PCDHA3: variants seen among roughly 807,000 people sequenced by gnomAD.
PCDHA3 encodes the protein protocadherin alpha 3, also known as protocadherin alpha-3.
A neutral mutation model predicts 62.2 loss-of-function variants in PCDHA3; 41 were observed. The ratio of observed to expected loss-of-function variants is 0.66; its 90% CI spans 0.51 to 0.86. The LOEUF (loss-of-function observed/expected upper bound fraction) is 0.86, where lower values mean the gene tolerates loss of function less well. Among genes scored for constraint, PCDHA3 ranks in the 40% least tolerant of loss-of-function variants. The pLI is 0.00. For missense variants in PCDHA3, 1,304 were observed against 1,241.2 expected, an observed-to-expected ratio of 1.05 and a Z score of -0.76; for synonymous variants, 640 against 555.4, an observed-to-expected ratio of 1.15 and a Z score of -2.14.
At chr5:140,807,588 C>G (rs146575746) in intron 1 of PCDHA3, 1 of 1,614,134 alleles carries the variant, frequency 6.2e-7, no homozygotes, top group Admixed American at 1.7e-5. Flanking sequence ...CCGGTGTTCC[C>G]AGCAACACAA....
At chr5:140,807,563 A>C (rs200997832) in intron 1 of PCDHA3, 44 of 1,614,076 alleles carry the variant, frequency 2.7e-5, no homozygotes, top group Non-Finnish European at 3.6e-5. Context: ...GGTGAGGGAC[A>C]TTAACGATAA....
At chr5:140,988,424 G>C (rs1563549055) in intron 3 of PCDHA3, among the ~76,000 whole-genome samples, 1 of 152,158 alleles carries the variant, frequency 6.6e-6, no homozygotes, top group Non-Finnish European at 1.5e-5. Context: ...TAAAGAATTT[G>C]TTTGTTTTGG....
intron 1 of PCDHA3, among the ~76,000 whole-genome samples, chr5:140,952,614 T>C (rs1381315866): frequency 6.6e-6 from 1 of 152,170 alleles, no homozygotes; most frequent in African/African-American, 2.4e-5. Flanking sequence ...CTCTCCCTCA[T>C]CTTCCCTCCA....
intron 1 of PCDHA3, chr5:140,883,754 G>C: frequency 3.1e-6 from 5 of 1,613,118 alleles, no homozygotes; most frequent in Non-Finnish European, 4.2e-6. Flanking sequence ...CTCGCTGGTG[G>C]AGCGGCGGGT....
At chr5:140,864,237 C>G (rs2048381218) in intron 1 of PCDHA3, 2 of 152,002 alleles carry the variant, frequency 1.3e-5, no homozygotes, top group Non-Finnish European at 2.9e-5. Flanking sequence ...GTTCTTTATT[C>G]CTATTCATTT....
chr5:140,938,026 A>T (rs2091889452), intron 1 of PCDHA3, among the ~76,000 whole-genome samples: 1 of 152,144 alleles, frequency 6.6e-6, no homozygotes, highest in Non-Finnish European at 1.5e-5. Context: ...GTAAAATCTC[A>T]TATTTTTATA....
intron 1 of PCDHA3, chr5:140,869,708 G>C: frequency 9.3e-6 from 15 of 1,613,408 alleles, no homozygotes; most frequent in Non-Finnish European, 1.3e-5. Flanking sequence ...TCTCTGGATA[G>C]AGAGAAAACT....
intron 1 of PCDHA3, chr5:140,875,854 G>T: frequency 1.2e-6 from 2 of 1,614,160 alleles, no homozygotes; most frequent in East Asian, 4.5e-5. Flanking sequence ...GGACATTAAC[G>T]ACAACCCGCC....
chr5:140,848,340 A>G, intron 1 of PCDHA3: 1 of 894,036 alleles, frequency 1.1e-6, no homozygotes, highest in Admixed American at 2.4e-5. Context: ...ATCCAGACAA[A>G]TACAGCCCTT....
chr5:140,829,623 A>G, intron 1 of PCDHA3: 1 of 1,612,184 alleles, frequency 6.2e-7, no homozygotes, highest in Non-Finnish European at 8.5e-7. Flanking sequence ...ATTTCGGTGC[A>G]CGCGGAGAGC....
Position 140,855,877 on chromosome 5 carries a change from C to T in PCDHA3, c.2394+52286C>T, listed in dbSNP as rs577890350. 6.7e-6 allele frequency: 6 copies of T among 897,114 alleles called. No individual in the cohort carries two copies. In the South Asian group the frequency reaches 1.2e-4, roughly 18 times the overall value. The allele number at this position is 897,114 out of a possible 1,614,324, so 55.6% of individuals were successfully genotyped here. A position where few individuals can be genotyped will look rare whatever the true frequency, so the allele number is the denominator to read the frequency against. On this transcript the variant is annotated intron_variant, in intron 1 of 3. Transcript: ENST00000522353. ...GATGTCGCTGTCGTCCACAAAATAGCTTTTTAGAACAAAGGCATCAGCCAG... is the reference window on the plus strand; with the variant it reads ...GATGTCGCTGTCGTCCACAAAATAGTTTTTTAGAACAAAGGCATCAGCCAG...
At chr5:140,925,671 A>AATAATAATG (rs1445697337) in intron 1 of PCDHA3, among the ~76,000 whole-genome samples, 20 of 148,150 alleles carry the variant, frequency 1.3e-4, no homozygotes, top group African/African-American at 5.0e-4. Context: ...TAATAATAAT[A>AATAATAATG]ATAATAAAGC....
intron 1 of PCDHA3, chr5:140,877,979 A>G (rs2057420487): frequency 4.9e-6 from 6 of 1,227,544 alleles, no homozygotes; most frequent in Non-Finnish European, 5.4e-6. Flanking sequence ...ATTCTTACTC[A>G]TTTTGAACTT....
At chr5:140,830,140 G>T (rs1305649998) in intron 1 of PCDHA3, 2 of 1,613,352 alleles carry the variant, frequency 1.2e-6, no homozygotes. Flanking sequence ...CACGGGCGTC[G>T]GTGGGCGCCG....
At chr5:140,850,961 G>A in intron 1 of PCDHA3, 1 of 1,476,304 alleles carries the variant, frequency 6.8e-7, no homozygotes, top group Non-Finnish European at 9.1e-7. Flanking sequence ...TACTCCCAGG[G>A]GCCGTTCAAA....
At chr5:140,858,305 C>G (rs782690239) in intron 1 of PCDHA3, 1 of 1,597,172 alleles carries the variant, frequency 6.3e-7, no homozygotes, top group South Asian at 1.1e-5. Flanking sequence ...GCAGCAGAGG[C>G]GGCAGAGGGT....
At chr5:140,996,622 G>C (rs2097735162) in intron 3 of PCDHA3, among the ~76,000 whole-genome samples, 1 of 152,156 alleles carries the variant, frequency 6.6e-6, no homozygotes, top group African/African-American at 2.4e-5. Context: ...AATTTCACTG[G>C]TTCCTGCAAA....
rs1777055567 is a variant in PCDHA3, at chr5:140,841,163, T to C, written c.2394+37572T>C. 2 of 914,834 alleles carry C rather than the reference T, an allele frequency of 2.2e-6. 1 individual carries two copies. The highest frequency in any genetic ancestry group is 3.2e-6 in the Non-Finnish European group (2 of 616,240). 56.7% of individuals were successfully genotyped at this position (914,834 alleles called of 1,614,324 possible). ...CATGATGTCGCTGTCTACCAAGAAG[T>C]TCTGGTTGGTCAATGTTCAAAGTCT... On this transcript the variant is annotated intron_variant, in intron 1 of 3. Coordinates refer to ENST00000522353, the MANE Select transcript of PCDHA3 (RefSeq NM_018906.3).
Position 140,877,874 on chromosome 5 carries a change from C to T in PCDHA3, c.2394+74283C>T, listed in dbSNP as rs782471585. The T allele has an allele frequency of 2.7e-6, 4 of 1,477,338 alleles. No homozygotes were observed. The African/African-American group carries it at 5.7e-5, about 21-fold the overall frequency. The allele number at this position is 1,477,338 out of a possible 1,614,324, so 91.5% of individuals were successfully genotyped here. ...TAATATTATTTAGATATATTTGTTT[C>T]CTTGAAGAACTTCCGTTTAGGTTAT... is the stretch of plus-strand genomic sequence containing the variant. On this transcript the variant is annotated intron_variant, in intron 1 of 3. Transcript: ENST00000522353.
Sources: allele counts gnomAD v4.1 joint callset (sites outside exome capture counted in the v4.1 genomes callset), GRCh38; gene constraint gnomAD v4.1.1; transcripts MANE v1.5; gene names NCBI Gene and HGNC (gene_info 2026-07-23, HGNC 2026-07-21).